The following BICRAL variants were observed in gnomAD, a reference collection of about 807,000 sequenced individuals.
The protein encoded by BICRAL is BICRA like chromatin remodeling complex associated protein, also known as BRD4-interacting chromatin-remodeling complex-associated protein-like.
In BICRAL, 8 loss-of-function variants were observed where a neutral mutation model predicts 91.8. The observed-to-expected ratio is 0.09, with a 90% CI of 0.05 to 0.16. BICRAL has a LOEUF of 0.16. Among genes scored for constraint, BICRAL ranks in the 10% least tolerant of loss-of-function variants. The pLI is 1.00. For missense variants in BICRAL, 1,038 were observed against 1,310.9 expected, an observed-to-expected ratio of 0.79 and a Z score of 3.21; for synonymous variants, 445 against 491.1, an observed-to-expected ratio of 0.91 and a Z score of 1.24.
At chr6:42,750,214 G>T (rs984686319) in intron 1 of BICRAL, among the ~76,000 whole-genome samples, 2 of 151,392 alleles carry the variant, frequency 1.3e-5, no homozygotes, top group African/African-American at 4.9e-5. Flanking sequence ...AGGCTAAAGT[G>T]CAGTGGTGCA....
At chr6:42,780,763 A>C (rs1254247509), upstream of BICRAL, among the ~76,000 whole-genome samples, 1 of 120,164 alleles carries the variant, frequency 8.3e-6, no homozygotes, top group Non-Finnish European at 1.8e-5. Context: ...TTTTTGTTTG[A>C]GTCTTGCTGT....
intron 7 of BICRAL, chr6:42,852,514 T>G (rs946480229): frequency 2.3e-6 from 1 of 428,640 alleles, no homozygotes; most frequent in African/African-American, 2.0e-5. Flanking sequence ...ATACAAAAAT[T>G]AGCCAGGCAT....
intron 6 of BICRAL, among the ~76,000 whole-genome samples, chr6:42,841,108 C>T (rs1172591873): frequency 3.6e-5 from 4 of 110,924 alleles, no homozygotes; most frequent in African/African-American, 1.8e-4. Flanking sequence ...AAATTGAAAG[C>T]GGCTGAGCCC....
intron 1 of BICRAL, among the ~76,000 whole-genome samples, chr6:42,783,343 G>A (rs1205150709): frequency 6.6e-6 from 1 of 152,168 alleles, no homozygotes; most frequent in Admixed American, 6.5e-5. Flanking sequence ...GAGATGTGCG[G>A]CTGGGACGGC....
intron 2 of BICRAL, among the ~76,000 whole-genome samples, chr6:42,820,300 A>G (rs561933131): frequency 1.3e-5 from 2 of 152,328 alleles, no homozygotes; most frequent in South Asian, 4.1e-4. Flanking sequence ...GGACACTTAA[A>G]AAAAATGAAT....
At chr6:42,762,927 C>CAA (rs398065748) in intron 1 of BICRAL, among the ~76,000 whole-genome samples, 22 of 126,704 alleles carry the variant, frequency 1.7e-4, no homozygotes, top group African/African-American at 5.5e-4. Context: ...GACTCTGTCT[C>CAA]AAAAAAAAAA....
chr6:42,803,756 CG>C (rs1763636796), intron 1 of BICRAL, among the ~76,000 whole-genome samples: 1 of 152,202 alleles, frequency 6.6e-6, no homozygotes, highest in Admixed American at 6.6e-5. Flanking sequence ...AAGGAGGATA[CG>C]TTCTGAGAAA....
At chr6:42,766,844 T>C (rs576806129) in intron 1 of BICRAL, among the ~76,000 whole-genome samples, 69 of 152,108 alleles carry the variant, frequency 4.5e-4, no homozygotes, top group Admixed American at 4.5e-3. Flanking sequence ...ATCGAGACCA[T>C]CCTGGCTAAC....
rs1420475475 is a variant in BICRAL at position 42,867,424 on chromosome 6, G to C, written c.*1978G>C. 6.5e-6 allele frequency: 1 copy of C among 153,168 alleles called. No individual in the cohort carries two copies. The highest frequency in any genetic ancestry group is 1.9e-4 in the East Asian group (1 of 5,186). The allele number at this position is 153,168 out of a possible 1,614,324, so 9.5% of individuals were successfully genotyped here. ...CTTTTTCCTGTATTGTAACATATTA[G>C]ATAAGTTGGTGTCGCCAGTTGGTAC... is the stretch of plus-strand genomic sequence containing the variant. On this transcript the variant is annotated 3_prime_UTR_variant, in exon 13 of 13. Transcript: ENST00000314073.
At position 42,793,122 on chromosome 6, in the gene BICRAL, A is replaced by ATTTTTTTTTT. The variant is rs1159342197; in HGVS notation, c.-102+11051_-102+11060dup. On this transcript the variant is annotated intron_variant, in intron 1 of 12. Coordinates refer to ENST00000314073, the MANE Select transcript of BICRAL (RefSeq NM_001393499.1). ...AAGCGCATGCCACCATGCCCAGCTAATTTTTTTTTTTTTTTTTTTTTTTTT... is the reference window on the plus strand; with the variant it reads ...AAGCGCATGCCACCATGCCCAGCTAATTTTTTTTTTTTTTTTTTTTTTTTTTTTTTTTTTT... Among the ~76,000 whole-genome samples, 6 of 37,254 alleles carry ATTTTTTTTTT rather than the reference A, an allele frequency of 1.6e-4. 2 individuals are homozygous for ATTTTTTTTTT. The highest frequency in any genetic ancestry group is 1.5e-4 in the Non-Finnish European group (3 of 20,498). 24.4% of individuals were successfully genotyped at this position (37,254 alleles called of 152,430 possible).
chr6:42,766,809 G>A (rs1762639412), intron 1 of BICRAL, among the ~76,000 whole-genome samples: 1 of 152,176 alleles, frequency 6.6e-6, no homozygotes, highest in East Asian at 1.9e-4. Flanking sequence ...GGGAGGCCAA[G>A]GCGGGCGGAT....
In BICRAL at chr6:42,853,630, T is replaced by C. The variant is rs1244960384; in HGVS notation, c.1946-8T>C. The C allele has an allele frequency of 6.2e-7, 1 of 1,603,606 alleles. No homozygotes were observed. Among genetic ancestry groups the C allele is most frequent in the Non-Finnish European group, 8.5e-7 (1 of 1,170,550 alleles). ...TTTGAACACTGTCTCATGTATTAAT[T>C]CTAATAGGGCAGGATTCTGGAAGCA... On this transcript the variant is annotated splice_polypyrimidine_tract_variant and splice_region_variant and intron_variant, in intron 7 of 12. Transcript: ENST00000314073.
At position 42,834,142 on chromosome 6, in the gene BICRAL, C is replaced by T. The variant is rs112872393; in HGVS notation, c.1839+3970C>T. ...GTGCTGGTATAGGCATGAGCCATGG[C>T]GCCCAGCAAAACCAATTATTTTCTA... On this transcript the variant is annotated intron_variant, in intron 6 of 12. Transcript: ENST00000314073. 9.8e-3 allele frequency among the ~76,000 whole-genome samples: 1,496 copies of T among 152,320 alleles called. 20 individuals are homozygous for T. Among genetic ancestry groups the T allele is most frequent in the African/African-American group, 0.034 (1,418 of 41,564 alleles).
intron 1 of BICRAL, among the ~76,000 whole-genome samples, chr6:42,766,779 A>G (rs12211104): frequency 0.27 from 40,842 of 151,814 alleles, 6,010 homozygotes; most frequent in African/African-American, 0.38. Context: ...CGTGGCTCAC[A>G]CCTGTAATCC....
At chr6:42,783,220 G>A (rs1355820776) in intron 1 of BICRAL, among the ~76,000 whole-genome samples, 1 of 151,826 alleles carries the variant, frequency 6.6e-6, no homozygotes, top group East Asian at 1.9e-4. Context: ...CCTTTTCGAA[G>A]CACCGCCGAG....
chr6:42,834,514 A>G (rs910233767), intron 6 of BICRAL, among the ~76,000 whole-genome samples: 1 of 152,146 alleles, frequency 6.6e-6, no homozygotes, highest in South Asian at 2.1e-4. Flanking sequence ...TAATTCCTTC[A>G]TTTGTCCTGT....
chr6:42,837,332 G>A (rs913883312), intron 6 of BICRAL, among the ~76,000 whole-genome samples: 1 of 152,104 alleles, frequency 6.6e-6, no homozygotes, highest in Non-Finnish European at 1.5e-5. Flanking sequence ...TTTGGCGTTT[G>A]TATATTTGTA....
At chr6:42,767,721 G>A (rs1447419264) in intron 1 of BICRAL, among the ~76,000 whole-genome samples, 1 of 152,234 alleles carries the variant, frequency 6.6e-6, no homozygotes, top group Non-Finnish European at 1.5e-5. Flanking sequence ...GACAGGACAA[G>A]TAATTATTAG....
At chr6:42,775,166 C>T (rs2113849514) in intron 1 of BICRAL, among the ~76,000 whole-genome samples, 1 of 152,304 alleles carries the variant, frequency 6.6e-6, no homozygotes, top group African/African-American at 2.4e-5. Flanking sequence ...CAATCCTGAC[C>T]TCAGGTGATC....
Sources: allele counts gnomAD v4.1 joint callset (sites outside exome capture counted in the v4.1 genomes callset), GRCh38; gene constraint gnomAD v4.1.1; transcripts MANE v1.5; gene names NCBI Gene and HGNC (gene_info 2026-07-23, HGNC 2026-07-21).